The following KIF26B variants were observed in gnomAD, a reference collection of about 807,000 sequenced individuals.
KIF26B encodes the protein kinesin family member 26B, also known as kinesin-like protein KIF26B.
Under a neutral mutation model 151.2 loss-of-function variants are expected in KIF26B, and 63 were observed. The observed-to-expected ratio is 0.42, with a 90% CI of 0.34 to 0.51. The LOEUF (loss-of-function observed/expected upper bound fraction) is 0.51. KIF26B is among the 20% of genes least tolerant of loss of function. The pLI, the probability that KIF26B is intolerant of heterozygous loss-of-function variation, is 0.07. For synonymous variants in KIF26B, 1,357 were observed against 1,262.1 expected (o/e 1.08, Z -1.59); for missense variants, 2,813 against 2,913.6 (o/e 0.97, Z 0.79).
chr1:245,182,012 G>A (rs186159244), intron 2 of KIF26B, among the ~76,000 whole-genome samples: 24 of 152,202 alleles, frequency 1.6e-4, no homozygotes, highest in Admixed American at 1.4e-3. Context: ...TGTTTTAAAC[G>A]TGTGCGGGCC....
intron 5 of KIF26B, among the ~76,000 whole-genome samples, chr1:245,553,259 G>T (rs764040485): frequency 6.6e-6 from 1 of 152,204 alleles, no homozygotes; most frequent in Non-Finnish European, 1.5e-5. Flanking sequence ...CTGTGGTGGA[G>T]CTGGCCTATG....
intron 3 of KIF26B, among the ~76,000 whole-genome samples, chr1:245,369,552 T>C (rs1673056162): frequency 6.6e-6 from 1 of 152,236 alleles, no homozygotes; most frequent in Admixed American, 6.5e-5. Flanking sequence ...ATTATTTCCT[T>C]TAACCCCACA....
chr1:245,386,131 C>T (rs1673538693), intron 3 of KIF26B, among the ~76,000 whole-genome samples: 1 of 152,054 alleles, frequency 6.6e-6, no homozygotes, highest in African/African-American at 2.4e-5. Flanking sequence ...ATCCCAGCTA[C>T]TCAGGAGGCT....
chr1:245,607,687 C>A lies in KIF26B; in HGVS notation c.1594C>A (p.Gln532Lys). The change falls in exon 7 of 15, where the codon CAG (glutamine) becomes AAG (lysine). Residue 532 changes from glutamine to lysine, a missense_variant. By Grantham distance (53) the Gln-to-Lys change is moderately conservative (BLOSUM62 1). Around this residue, in one of 3 missense-constraint regions of KIF26B, gnomAD observed 77 missense variants for 136.9 expected, o/e 0.56. Coordinates refer to ENST00000407071, the MANE Select transcript of KIF26B (RefSeq NM_018012.4). ...TGCAGGCACCGTGGCAGAGGTGATC[C>A]AGTCTGTGGTCAACGGGGCAGATGG... ...VCAGTVAEVIQSVVNGADGCV... is the reference protein window; with the variant it reads ...VCAGTVAEVIKSVVNGADGCV... The A allele has an allele frequency of 6.2e-7, 1 of 1,613,036 alleles. No homozygotes were observed. Among genetic ancestry groups the A allele is most frequent in the Non-Finnish European group, 8.5e-7 (1 of 1,179,582 alleles).
In KIF26B at chr1:245,155,043, A is replaced by T. The variant is rs888529232; in HGVS notation, c.-382A>T. On this transcript the variant is annotated 5_prime_UTR_variant, in exon 1 of 15. Coordinates refer to ENST00000407071, the MANE Select transcript of KIF26B (RefSeq NM_018012.4). ...ACAGCTGACTCGGCTCGGCTCTCCCACCTTCCCGGCAGCGGCCGCGAGCCC... is the reference window on the plus strand; with the variant it reads ...ACAGCTGACTCGGCTCGGCTCTCCCTCCTTCCCGGCAGCGGCCGCGAGCCC... The T allele has an allele frequency of 8.8e-6, 4 of 452,200 alleles. No homozygotes were observed. In the East Asian group the frequency reaches 1.4e-4, roughly 16 times the overall value. The allele number at this position is 452,200 out of a possible 1,614,324, so 28.0% of individuals were successfully genotyped here. A position where few individuals can be genotyped will look rare whatever the true frequency, so the allele number is the denominator to read the frequency against.
In KIF26B at chr1:245,319,215, G is replaced by A. The variant is rs371857908; in HGVS notation, c.466-47619G>A. ...AGATCCAATTCACTTATTTGCTCAC[G>A]CTTCTAGGAACTCCATCCTTGTGCT... On this transcript the variant is annotated intron_variant, in intron 2 of 14. Coordinates refer to ENST00000407071, the MANE Select transcript of KIF26B (RefSeq NM_018012.4). 4.6e-5 allele frequency among the ~76,000 whole-genome samples: 7 copies of A among 152,228 alleles called. 1 individual carries two copies. The highest frequency in any genetic ancestry group is 1.4e-4 in the African/African-American group (6 of 41,464).
At chr1:245,543,427 G>A (rs1661667812) in intron 5 of KIF26B, among the ~76,000 whole-genome samples, 1 of 152,126 alleles carries the variant, frequency 6.6e-6, no homozygotes. Context: ...CTCTCTCACT[G>A]ATTTGCAATC....
At chr1:245,645,198 G>A (rs1430502222) in intron 9 of KIF26B, among the ~76,000 whole-genome samples, 1 of 151,846 alleles carries the variant, frequency 6.6e-6, no homozygotes, top group Non-Finnish European at 1.5e-5. Context: ...CACGACGCCT[G>A]TGATTCTCAG....
At chr1:245,416,149 G>T (rs12124381) in intron 3 of KIF26B, among the ~76,000 whole-genome samples, 1 of 148,958 alleles carries the variant, frequency 6.7e-6, no homozygotes, top group Non-Finnish European at 1.5e-5. Flanking sequence ...GCACAGGGGC[G>T]CATGCCTGTA....
intron 2 of KIF26B, among the ~76,000 whole-genome samples, chr1:245,355,900 A>G (rs926757649): frequency 3.3e-5 from 5 of 152,148 alleles, no homozygotes; most frequent in African/African-American, 9.7e-5. Context: ...GGAGAGGCAG[A>G]TGTCCCTGTC....
At chr1:245,525,064 A>C (rs1321219558) in intron 4 of KIF26B, among the ~76,000 whole-genome samples, 1 of 151,956 alleles carries the variant, frequency 6.6e-6, no homozygotes, top group Non-Finnish European at 1.5e-5. Flanking sequence ...TGGATCTGTC[A>C]CGGGTTGTGT....
At chr1:245,559,435 C>T (rs147511184) in intron 5 of KIF26B, among the ~76,000 whole-genome samples, 49 of 151,986 alleles carry the variant, frequency 3.2e-4, no homozygotes, top group African/African-American at 1.2e-3. Flanking sequence ...TTTGTCGAGA[C>T]GGAGTCTTGC....
chr1:245,338,510 G>A (rs918956860), intron 2 of KIF26B, among the ~76,000 whole-genome samples: 2 of 152,178 alleles, frequency 1.3e-5, no homozygotes, highest in Non-Finnish European at 2.9e-5. Context: ...ATGTTGGTTT[G>A]TGCTTATGTA....
At chr1:245,426,456 C>G (rs549943013) in intron 4 of KIF26B, among the ~76,000 whole-genome samples, 1 of 152,308 alleles carries the variant, frequency 6.6e-6, no homozygotes, top group South Asian at 2.1e-4. Flanking sequence ...AACTCCTTGC[C>G]GTCGGCCCAA....
intron 4 of KIF26B, among the ~76,000 whole-genome samples, chr1:245,520,114 T>TGAGAGAAAGA (rs1553282672): frequency 7.5e-6 from 1 of 132,458 alleles, no homozygotes; most frequent in Non-Finnish European, 1.6e-5. Context: ...CTCAACTAAC[T>TGAGAGAAAGA]GAGAGAGAGA....
At chr1:245,679,734 G>C (rs1008981547) in intron 10 of KIF26B, among the ~76,000 whole-genome samples, 3 of 152,184 alleles carry the variant, frequency 2.0e-5, no homozygotes, top group Non-Finnish European at 2.9e-5. Context: ...CTCTCAAAGT[G>C]TGGGGATTAC....
At chr1:245,242,893 G>A (rs1217774289) in intron 2 of KIF26B, among the ~76,000 whole-genome samples, 5 of 150,498 alleles carry the variant, frequency 3.3e-5, no homozygotes, top group East Asian at 1.9e-4. Flanking sequence ...ATCATGATCT[G>A]CCCGCCTTGG....
intron 2 of KIF26B, among the ~76,000 whole-genome samples, chr1:245,278,943 A>G (rs1670986441): frequency 6.6e-6 from 1 of 152,188 alleles, no homozygotes; most frequent in Non-Finnish European, 1.5e-5. Flanking sequence ...CAATTTCAAA[A>G]CAGCTGGACA....
chr1:245,396,462 G>A (rs1416527817), intron 3 of KIF26B, among the ~76,000 whole-genome samples: 1 of 151,972 alleles, frequency 6.6e-6, no homozygotes, highest in African/African-American at 2.4e-5. Context: ...TATAAGAAAT[G>A]CTGTCTCTAC....
Sources: allele counts gnomAD v4.1 joint callset (sites outside exome capture counted in the v4.1 genomes callset), GRCh38; gene constraint gnomAD v4.1.1; regional missense constraint gnomAD v4.1.1; transcripts MANE v1.5; gene names NCBI Gene and HGNC (gene_info 2026-07-23, HGNC 2026-07-21).